The following FOXP1 variants were observed in gnomAD, a reference collection of about 807,000 sequenced individuals.
FOXP1 encodes forkhead box P1.
A neutral mutation model predicts 98.2 loss-of-function variants in FOXP1; 15 were observed. That is an observed-to-expected ratio of 0.15 (90% CI 0.10 to 0.24). FOXP1 has a LOEUF of 0.24. Ranked by LOEUF, FOXP1 falls within the 10% of genes least tolerant of loss-of-function variation. FOXP1 has a pLI of 1.00. For synonymous variants in FOXP1, 371 were observed against 314.5 expected, an observed-to-expected ratio of 1.18 and a Z score of -1.90; for missense variants, 633 against 848.5, an observed-to-expected ratio of 0.75 and a Z score of 3.15.
intron 2 of FOXP1, among the ~76,000 whole-genome samples, chr3:71,502,250 C>T (rs1290848526): frequency 6.6e-6 from 1 of 152,204 alleles, no homozygotes; most frequent in Admixed American, 6.5e-5. Context: ...CCCCTGCTAG[C>T]AGGGCAAGTG....
At chr3:71,047,165 A>G (rs2049134142) in intron 9 of FOXP1, 70 bp from the exon 10 acceptor site, 1 of 1,550,262 alleles carries the variant, frequency 6.5e-7, no homozygotes. Flanking sequence ...GGACACTTCA[A>G]AACTCACCAT....
chr3:71,345,395 TATAC>T (rs1169786799), intron 4 of FOXP1, among the ~76,000 whole-genome samples: 1,410 of 50,354 alleles, frequency 0.028, 16 homozygotes, highest in Admixed American at 0.041. Context: ...CTCAAATATA[TATAC>T]ACACACACAC....
At position 70,955,553 on chromosome 3, in the gene FOXP1, T is replaced by C. The variant is rs2031561093; in HGVS notation, c.*3694A>G. ...AAAAAAGTAACAGATTTTCTTTACATCTTGGCACCTTGTAAAGTTTTTTTT... is the reference window on the plus strand; with the variant it reads ...AAAAAAGTAACAGATTTTCTTTACACCTTGGCACCTTGTAAAGTTTTTTTT... On this transcript the variant is annotated 3_prime_UTR_variant, in exon 21 of 21. Transcript: ENST00000649528. 4.3e-6 allele frequency: 1 copy of C among 231,134 alleles called. No homozygotes were observed. The highest frequency in any genetic ancestry group is 8.5e-6 in the Non-Finnish European group (1 of 117,868). The allele number at this position is 231,134 out of a possible 1,614,324, so 14.3% of individuals were successfully genotyped here.
intron 5 of FOXP1, among the ~76,000 whole-genome samples, chr3:71,298,767 C>T (rs1056492612): frequency 6.6e-6 from 1 of 152,034 alleles, no homozygotes; most frequent in East Asian, 1.9e-4. Flanking sequence ...TTCTAGAACC[C>T]CCCCAAGCCC....
At chr3:71,198,128 G>A (rs1414703173) in intron 6 of FOXP1, 74 bp downstream of exon 6, 4 of 1,612,686 alleles carry the variant, frequency 2.5e-6, no homozygotes, top group East Asian at 2.2e-5. Context: ...TCGCGAGATC[G>A]CGATTAAGTG....
rs371969799 is a variant in FOXP1 at position 71,269,098 on chromosome 3, GT to G, written c.-12+30721del. On this transcript the variant is annotated intron_variant, in intron 5 of 20. Coordinates refer to ENST00000649528, the MANE Select transcript of FOXP1 (RefSeq NM_001349338.3). ...AGCTACTCAGAGTGGGGTTTTTTTTGTTTTTTTTTTTTTTCATTTAATGGCA... is the reference window on the plus strand; with the variant it reads ...AGCTACTCAGAGTGGGGTTTTTTTTGTTTTTTTTTTTTTCATTTAATGGCA... Among the ~76,000 whole-genome samples, 942 of 136,692 alleles carry G rather than the reference GT, an allele frequency of 6.9e-3. 6 individuals carry two copies. The highest frequency in any genetic ancestry group is 0.021 in the African/African-American group (772 of 37,278). 89.7% of individuals were successfully genotyped at this position (136,692 alleles called of 152,430 possible). A position where few individuals can be genotyped will look rare whatever the true frequency, so the allele number is the denominator to read the frequency against.
At chr3:71,074,240 T>A (rs1382500637) in intron 7 of FOXP1, among the ~76,000 whole-genome samples, 1 of 152,182 alleles carries the variant, frequency 6.6e-6, no homozygotes, top group Admixed American at 6.5e-5. Flanking sequence ...TTATTATTAT[T>A]ATTTTGAAAT....
intron 2 of FOXP1, among the ~76,000 whole-genome samples, chr3:71,563,864 A>C (rs2046719301): frequency 6.6e-6 from 1 of 152,170 alleles, no homozygotes; most frequent in African/African-American, 2.4e-5. Context: ...CCTCTCTCTC[A>C]CCTTTCCTAA....
At chr3:71,410,325 A>AT (rs375940819) in intron 3 of FOXP1, among the ~76,000 whole-genome samples, 2 of 152,096 alleles carry the variant, frequency 1.3e-5, no homozygotes, top group Admixed American at 6.6e-5. Context: ...ACTGCCCACA[A>AT]TTTTTTTTAA....
intron 2 of FOXP1, among the ~76,000 whole-genome samples, chr3:71,537,754 C>A (rs1560624494): frequency 6.6e-6 from 1 of 152,216 alleles, no homozygotes; most frequent in African/African-American, 2.4e-5. Context: ...TTTGTAGCAA[C>A]AGCACAGAGG....
At chr3:71,544,621 C>T (rs1037626172) in intron 2 of FOXP1, among the ~76,000 whole-genome samples, 10 of 152,172 alleles carry the variant, frequency 6.6e-5, no homozygotes, top group African/African-American at 2.4e-4. Context: ...TTAAAGACCA[C>T]TCCATTTTAT....
chr3:71,354,163 A>T (rs2077994441), intron 4 of FOXP1, among the ~76,000 whole-genome samples: 1 of 151,490 alleles, frequency 6.6e-6, no homozygotes, highest in South Asian at 2.1e-4. Context: ...AAAAAAAAAA[A>T]AAATACTAGG....
At chr3:71,501,877 G>C (rs1346823508) in intron 2 of FOXP1, among the ~76,000 whole-genome samples, 1 of 152,142 alleles carries the variant, frequency 6.6e-6, no homozygotes, top group Non-Finnish European at 1.5e-5. Context: ...AGATGGCCTT[G>C]TCTTTTCTAC....
chr3:71,247,208 T>C (rs1026631561), intron 5 of FOXP1, among the ~76,000 whole-genome samples: 11 of 152,182 alleles, frequency 7.2e-5, no homozygotes, highest in African/African-American at 2.4e-4. Context: ...CCTGGTTCTG[T>C]TGGAAAATTT....
intron 3 of FOXP1, among the ~76,000 whole-genome samples, chr3:71,432,894 T>A (rs2084864470): frequency 6.7e-6 from 1 of 149,844 alleles, no homozygotes; most frequent in Admixed American, 6.6e-5. Context: ...ATGATTTGGC[T>A]GAGGAACTAT....
chr3:71,360,551 T>C (rs1345370465), intron 3 of FOXP1: 1 of 152,148 alleles, frequency 6.6e-6, no homozygotes, highest in Non-Finnish European at 1.5e-5. Flanking sequence ...TTCAGAAAGT[T>C]TTTGCGAATA....
intron 6 of FOXP1, among the ~76,000 whole-genome samples, chr3:71,127,264 C>T (rs1016462547): frequency 1.3e-5 from 2 of 152,174 alleles, no homozygotes; most frequent in African/African-American, 4.8e-5. Context: ...TCTTTTGCCC[C>T]CAAAGCATGA....
intron 7 of FOXP1, among the ~76,000 whole-genome samples, chr3:71,064,108 A>C (rs2051984219): frequency 2.6e-5 from 4 of 152,198 alleles, no homozygotes; most frequent in Admixed American, 2.6e-4. Flanking sequence ...CCAGCCAAGT[A>C]ATGCAACAGA....
At chr3:71,023,261 T>C (rs538802369) in intron 11 of FOXP1, among the ~76,000 whole-genome samples, 1 of 152,358 alleles carries the variant, frequency 6.6e-6, no homozygotes, top group South Asian at 2.1e-4. Context: ...TTTGGTCTCA[T>C]GTCCATGTGC....
Sources: allele counts gnomAD v4.1 joint callset (sites outside exome capture counted in the v4.1 genomes callset), GRCh38; gene constraint gnomAD v4.1.1; transcripts MANE v1.5; gene names NCBI Gene and HGNC (gene_info 2026-07-23, HGNC 2026-07-21).